Variants in GRAMD2B observed in about 807,000 individuals in gnomAD.
The protein encoded by GRAMD2B is GRAM domain-containing protein 2B.
Under a neutral mutation model 59.2 loss-of-function variants are expected in GRAMD2B, and 41 were observed. The observed-to-expected ratio is 0.69, with a 90% CI of 0.54 to 0.90. The LOEUF (loss-of-function observed/expected upper bound fraction) is 0.90, where lower values mean the gene tolerates loss of function less well. Ranked by LOEUF, GRAMD2B falls within the 40% of genes least tolerant of loss-of-function variation. The pLI is 0.00. For synonymous variants in GRAMD2B, 161 were observed against 182.7 expected, an observed-to-expected ratio of 0.88 and a Z score of 0.96; for missense variants, 424 against 500.5, an observed-to-expected ratio of 0.85 and a Z score of 1.46.
chr5:126,467,172 G>A (rs755102705), intron 2 of GRAMD2B, among the ~76,000 whole-genome samples: 17 of 152,010 alleles, frequency 1.1e-4, no homozygotes, highest in Admixed American at 9.8e-4. Context: ...GCACTCAGGA[G>A]GCTGAGGCAG....
At chr5:126,410,989 C>G (rs748094688) in intron 1 of GRAMD2B, among the ~76,000 whole-genome samples, 2 of 151,868 alleles carry the variant, frequency 1.3e-5, no homozygotes, top group Non-Finnish European at 2.9e-5. Context: ...TGTTTAAGTT[C>G]CTTCTAGATT....
intron 2 of GRAMD2B, among the ~76,000 whole-genome samples, chr5:126,466,885 C>G (rs1768531493): frequency 6.6e-6 from 1 of 152,230 alleles, no homozygotes; most frequent in Non-Finnish European, 1.5e-5. Context: ...TAATAATACA[C>G]TCTCACAGGG....
At chr5:126,423,112 C>T, upstream of GRAMD2B, 1 of 973,042 alleles carries the variant, frequency 1.0e-6, no homozygotes, top group Non-Finnish European at 1.2e-6. Flanking sequence ...ATTTGTGTGA[C>T]AGGGCGTCCC....
At chr5:126,487,237 A>G (rs1003870083) in intron 12 of GRAMD2B, among the ~76,000 whole-genome samples, 1 of 152,186 alleles carries the variant, frequency 6.6e-6, no homozygotes, top group African/African-American at 2.4e-5. Context: ...TTGCTCGAAT[A>G]TGCTAAGATG....
At chr5:126,468,768 A>G (rs1313326210) in intron 2 of GRAMD2B, among the ~76,000 whole-genome samples, 1 of 152,078 alleles carries the variant, frequency 6.6e-6, no homozygotes, top group Non-Finnish European at 1.5e-5. Context: ...GATTACAGGC[A>G]TGAGCCACTG....
At chr5:126,383,044 T>C (rs1296056964) in intron 1 of GRAMD2B, among the ~76,000 whole-genome samples, 1 of 152,202 alleles carries the variant, frequency 6.6e-6, no homozygotes, top group Non-Finnish European at 1.5e-5. Flanking sequence ...TGTGTTGTGA[T>C]CCGTCTTCAG....
chr5:126,459,546 G>A (rs944376975), intron 1 of GRAMD2B, among the ~76,000 whole-genome samples: 2 of 152,162 alleles, frequency 1.3e-5, no homozygotes, highest in Admixed American at 6.5e-5. Flanking sequence ...AGATAAATTG[G>A]CAAAATGTAC....
At chr5:126,484,770 G>C (rs1424052823) in intron 10 of GRAMD2B, among the ~76,000 whole-genome samples, 1 of 151,992 alleles carries the variant, frequency 6.6e-6, no homozygotes, top group African/African-American at 2.4e-5. Flanking sequence ...TTTTAGTAGA[G>C]ACAGGGTTTC....
At chr5:126,386,453 A>G (rs1235671301) in intron 1 of GRAMD2B, among the ~76,000 whole-genome samples, 33 of 152,242 alleles carry the variant, frequency 2.2e-4, no homozygotes, top group Admixed American at 2.1e-3. Flanking sequence ...AGCATGTATT[A>G]TCTTACACAG....
At chr5:126,479,371 T>C (rs1038303047) in intron 6 of GRAMD2B, among the ~76,000 whole-genome samples, 1 of 151,902 alleles carries the variant, frequency 6.6e-6, no homozygotes, top group African/African-American at 2.4e-5. Flanking sequence ...ACTAGAAAAC[T>C]TGTAGAGAGG....
At chr5:126,388,334 C>T (rs1167074390) in intron 1 of GRAMD2B, among the ~76,000 whole-genome samples, 1 of 152,026 alleles carries the variant, frequency 6.6e-6, no homozygotes, top group Non-Finnish European at 1.5e-5. Flanking sequence ...ATTCATGCTA[C>T]TGCACTCCAG....
intron 1 of GRAMD2B, among the ~76,000 whole-genome samples, chr5:126,437,811 G>A (rs1051146554): frequency 6.6e-6 from 1 of 152,190 alleles, no homozygotes; most frequent in Non-Finnish European, 1.5e-5. Context: ...GAAATCACCA[G>A]AGAACCTTTC....
intron 1 of GRAMD2B, among the ~76,000 whole-genome samples, chr5:126,361,373 G>C (rs977619671): frequency 2.0e-5 from 3 of 151,866 alleles, no homozygotes; most frequent in Non-Finnish European, 4.4e-5. Flanking sequence ...TTTCAGACTG[G>C]GCTTTGGATT....
At chr5:126,485,897 C>T (rs942938373) in intron 11 of GRAMD2B, 124 bp downstream of exon 11, 3 of 612,136 alleles carry the variant, frequency 4.9e-6, no homozygotes, top group African/African-American at 3.8e-5. Context: ...TACATCTTTA[C>T]TTTGACAATT....
Position 126,408,731 on chromosome 5 carries a change from C to T in GRAMD2B, c.125+37164C>T, listed in dbSNP as rs569753462. On this transcript the variant is annotated intron_variant, in intron 1 of 8. Coordinates refer to the GRAMD2B transcript ENST00000506445. ...TACTTTAAGTTTTAGGGTACATGTG[C>T]ACAATGTGCAGGCTAGTTACATATG... Among the ~76,000 whole-genome samples, 595 of 150,112 alleles carry T rather than the reference C, an allele frequency of 4.0e-3. 10 individuals carry two copies. Among genetic ancestry groups the T allele is most frequent in the African/African-American group, 0.014 (577 of 40,788 alleles).
At chr5:126,388,440 A>G (rs1327963459) in intron 1 of GRAMD2B, among the ~76,000 whole-genome samples, 1 of 152,064 alleles carries the variant, frequency 6.6e-6, no homozygotes, top group Non-Finnish European at 1.5e-5. Flanking sequence ...AATTTTCTAA[A>G]TATTATAATG....
upstream of GRAMD2B, among the ~76,000 whole-genome samples, chr5:126,368,251 C>T (rs1189773032): frequency 3.9e-5 from 6 of 152,258 alleles, no homozygotes; most frequent in East Asian, 7.7e-4. Context: ...AATTTGCACA[C>T]ACACAAATGA....
chr5:126,408,483 G>A (rs1225686311), intron 1 of GRAMD2B, among the ~76,000 whole-genome samples: 2 of 151,694 alleles, frequency 1.3e-5, no homozygotes, highest in African/African-American at 4.8e-5. Context: ...GGATTGCTGA[G>A]TCAAAATGGT....
intron 1 of GRAMD2B, among the ~76,000 whole-genome samples, chr5:126,458,552 CT>C (rs557237890): frequency 2.6e-3 from 390 of 152,158 alleles, no homozygotes; most frequent in Non-Finnish European, 3.2e-3. Flanking sequence ...TTTCCTGGGA[CT>C]ACCATATTCA....
Sources: allele counts gnomAD v4.1 joint callset (sites outside exome capture counted in the v4.1 genomes callset), GRCh38; gene constraint gnomAD v4.1.1; transcripts MANE v1.5; gene names NCBI Gene and HGNC (gene_info 2026-07-23, HGNC 2026-07-21).